The following RARB variants were observed in gnomAD, a reference collection of about 807,000 sequenced individuals.
RARB encodes the protein HBV-activated protein.
RARB carries 17 observed loss-of-function variants against 51.9 expected under a neutral mutation model. That is an observed-to-expected ratio of 0.33 (90% CI 0.22 to 0.49). The LOEUF (loss-of-function observed/expected upper bound fraction) is 0.49. Ranked by LOEUF, RARB falls within the 20% of genes least tolerant of loss-of-function variation. RARB has a pLI of 0.99. For missense variants in RARB, 369 were observed against 550.8 expected, an observed-to-expected ratio of 0.67 and a Z score of 3.30; for synonymous variants, 215 against 195.4, an observed-to-expected ratio of 1.10 and a Z score of -0.84.
rs572320081 is a variant in RARB, at chr3:25,193,970, T to C, written c.178+19395T>C. Among the ~76,000 whole-genome samples the C allele has an allele frequency of 3.3e-5, 5 of 152,050 alleles. No individual in the cohort carries two copies. The East Asian group carries it at 9.7e-4, about 29-fold the overall frequency. ...GATGAAAACATTTGTATTTTAATAT[T>C]ACACTATTCACAATAGCCAAGATAC... is the stretch of plus-strand genomic sequence containing the variant. On this transcript the variant is annotated intron_variant, in intron 5 of 11. Coordinates refer to the RARB transcript ENST00000383772.
At chr3:25,512,189 T>TTATG (rs1442269582) in intron 3 of RARB, among the ~76,000 whole-genome samples, 1 of 152,222 alleles carries the variant, frequency 6.6e-6, no homozygotes, top group African/African-American at 2.4e-5. Context: ...CCGGTATCTG[T>TTATG]TATGATACTG....
chr3:25,397,096 A>T (rs1045660712), intron 5 of RARB, among the ~76,000 whole-genome samples: 1 of 152,128 alleles, frequency 6.6e-6, no homozygotes, highest in Non-Finnish European at 1.5e-5. Flanking sequence ...ATTATTACAA[A>T]TTTCAGCTGG....
intron 5 of RARB, among the ~76,000 whole-genome samples, chr3:25,263,804 A>G (rs1399745703): frequency 6.6e-5 from 10 of 152,198 alleles, no homozygotes; most frequent in Admixed American, 6.5e-4. Flanking sequence ...GCAGTTGCTT[A>G]CAGCATCTGC....
At position 24,998,153 on chromosome 3, in the gene RARB, G is replaced by C. The variant is rs1267200687; in HGVS notation, c.-379-61972G>C. On this transcript the variant is annotated intron_variant, in intron 2 of 11. Transcript: ENST00000383772. ...AGAATCCATTTCAATATTCATTTTAGCCTTTCAAGAATTATGAACATGGAC... is the reference window on the plus strand; with the variant it reads ...AGAATCCATTTCAATATTCATTTTACCCTTTCAAGAATTATGAACATGGAC... 2.0e-5 allele frequency among the ~76,000 whole-genome samples: 3 copies of C among 151,694 alleles called. No homozygotes were observed. In the East Asian group the frequency reaches 5.8e-4, roughly 29 times the overall value.
At chr3:25,567,257 A>G (rs115228865) in intron 3 of RARB, among the ~76,000 whole-genome samples, 2 of 152,112 alleles carry the variant, frequency 1.3e-5, no homozygotes, top group Non-Finnish European at 2.9e-5. Context: ...GAACATTTTC[A>G]TCTCCTAAAA....
intron 3 of RARB, among the ~76,000 whole-genome samples, chr3:25,552,752 G>A (rs1165745146): frequency 1.6e-5 from 2 of 122,378 alleles, no homozygotes; most frequent in Admixed American, 8.4e-5. Flanking sequence ...TGAAATGGGT[G>A]TAAATATTCA....
intron 5 of RARB, among the ~76,000 whole-genome samples, chr3:25,187,791 C>T (rs1048580580): frequency 6.6e-6 from 1 of 152,054 alleles, no homozygotes; most frequent in Admixed American, 6.6e-5. Context: ...TAATTTTGAA[C>T]TTAGTAAAAA....
At chr3:25,323,148 G>A (rs1470575957) in intron 5 of RARB, among the ~76,000 whole-genome samples, 1 of 130,108 alleles carries the variant, frequency 7.7e-6, no homozygotes, top group Non-Finnish European at 1.9e-5. Flanking sequence ...CAAAAACATG[G>A]AGGCTCAAGG....
At chr3:24,844,673 C>A (rs1384239787) in intron 1 of RARB, among the ~76,000 whole-genome samples, 3 of 152,188 alleles carry the variant, frequency 2.0e-5, no homozygotes, top group Admixed American at 6.5e-5. Context: ...TATGGCACTT[C>A]TTCAATCTAT....
chr3:25,136,435 T>C (rs1700032793), intron 4 of RARB, among the ~76,000 whole-genome samples: 1 of 152,048 alleles, frequency 6.6e-6, no homozygotes, highest in Non-Finnish European at 1.5e-5. Context: ...GTGAAAACTT[T>C]GCTTGGTTCT....
intron 3 of RARB, among the ~76,000 whole-genome samples, chr3:25,096,045 A>C (rs1159492787): frequency 6.6e-6 from 1 of 152,228 alleles, no homozygotes; most frequent in Admixed American, 6.5e-5. Context: ...CTTAATTGGC[A>C]TCATTTCCCT....
In RARB at chr3:24,908,663, G is replaced by GTTTTTTTTTTT. The variant is rs59008287; in HGVS notation, c.-380+49926_-380+49936dup. On this transcript the variant is annotated intron_variant, in intron 2 of 11. Transcript: ENST00000383772. Reference sequence around the variant, plus strand: ...TGTAATTCTTGAGGTAACCACAACTGTTTTTTTTTTTTTTTTTTTTTTTTT... The same window carrying GTTTTTTTTTTT: ...TGTAATTCTTGAGGTAACCACAACTGTTTTTTTTTTTTTTTTTTTTTTTTTTTTTTTTTTTT... Among the ~76,000 whole-genome samples the GTTTTTTTTTTT allele has an allele frequency of 5.3e-5, 5 of 93,462 alleles. 1 individual carries two copies. The highest frequency in any genetic ancestry group is 4.1e-5 in the Non-Finnish European group (2 of 49,246). The allele number at this position is 93,462 out of a possible 152,430, so 61.3% of individuals were successfully genotyped here. A position where few individuals can be genotyped will look rare whatever the true frequency, so the allele number is the denominator to read the frequency against.
At chr3:25,303,964 G>T (rs1033700748) in intron 5 of RARB, among the ~76,000 whole-genome samples, 1 of 152,114 alleles carries the variant, frequency 6.6e-6, no homozygotes. Flanking sequence ...GGTGATGCCT[G>T]CTATGAAAAA....
At chr3:25,376,023 C>T (rs1010798652) in intron 5 of RARB, among the ~76,000 whole-genome samples, 9 of 152,198 alleles carry the variant, frequency 5.9e-5, no homozygotes, top group Non-Finnish European at 1.2e-4. Context: ...AGCTAATACA[C>T]GTAGAGCTCT....
intron 5 of RARB, among the ~76,000 whole-genome samples, chr3:25,203,796 A>T (rs771789974): frequency 2.6e-5 from 4 of 152,216 alleles, no homozygotes; most frequent in Non-Finnish European, 5.9e-5. Context: ...TCTGTCAAGA[A>T]ATCTACTATT....
chr3:25,576,400 G>A (rs1700931641), intron 4 of RARB, among the ~76,000 whole-genome samples: 1 of 152,164 alleles, frequency 6.6e-6, no homozygotes, highest in Non-Finnish European at 1.5e-5. Flanking sequence ...TCCAGCAGCT[G>A]GGACCACTCC....
chr3:25,197,379 T>C (rs775270089), intron 5 of RARB, among the ~76,000 whole-genome samples: 52 of 152,112 alleles, frequency 3.4e-4, no homozygotes, highest in Non-Finnish European at 6.0e-4. Flanking sequence ...TGGTTGTAGA[T>C]GTGTGGTGTT....
At chr3:25,468,291 GTGTT>G (rs954531702) in intron 2 of RARB, among the ~76,000 whole-genome samples, 1 of 149,922 alleles carries the variant, frequency 6.7e-6, no homozygotes, top group African/African-American at 2.5e-5. Flanking sequence ...GAGGTCTCCA[GTGTT>G]TGTACGTCCA....
At chr3:25,275,498 C>G (rs926570555) in intron 5 of RARB, among the ~76,000 whole-genome samples, 1 of 152,134 alleles carries the variant, frequency 6.6e-6, no homozygotes, top group African/African-American at 2.4e-5. Context: ...TTTTTAGCAC[C>G]TGGCTTACTG....
Sources: gnomAD v4.1 joint callset for allele counts (sites outside exome capture counted in the v4.1 genomes callset) on GRCh38, gnomAD v4.1.1 for gene constraint, MANE v1.5 for transcripts, NCBI Gene and HGNC (gene_info 2026-07-23, HGNC 2026-07-21) for gene names.